Variants in CDC42SE2 observed in about 807,000 individuals in gnomAD.
CDC42SE2 encodes CDC42 small effector 2, also known as CDC42 small effector protein 2.
Under a neutral mutation model 11.5 loss-of-function variants are expected in CDC42SE2, and 3 were observed. The observed-to-expected ratio is 0.26, with a 90% CI of 0.12 to 0.67. The LOEUF (loss-of-function observed/expected upper bound fraction) is 0.67. CDC42SE2 is among the 30% of genes least tolerant of loss of function. CDC42SE2 has a pLI of 0.80. For missense variants in CDC42SE2, 82 were observed against 106.8 expected, an observed-to-expected ratio of 0.77 and a Z score of 1.02; for synonymous variants, 33 against 34.8, an observed-to-expected ratio of 0.95 and a Z score of 0.18.
chr5:131,336,590 C>T (rs991027832), intron 2 of CDC42SE2, among the ~76,000 whole-genome samples: 29 of 152,224 alleles, frequency 1.9e-4, no homozygotes, highest in African/African-American at 4.6e-4. Flanking sequence ...CCATTCTCCC[C>T]GTCACTTTCA....
chr5:131,289,679 A>C (rs1757411560), intron 1 of CDC42SE2, among the ~76,000 whole-genome samples: 1 of 152,058 alleles, frequency 6.6e-6, no homozygotes, highest in Admixed American at 6.5e-5. Flanking sequence ...TCTCAAAAAA[A>C]AAAAAAAGAG....
intron 1 of CDC42SE2, among the ~76,000 whole-genome samples, chr5:131,286,368 G>A (rs1757339800): frequency 6.8e-6 from 1 of 146,140 alleles, no homozygotes; most frequent in Non-Finnish European, 1.5e-5. Flanking sequence ...ATAGGCATGA[G>A]CAAATGCACC....
chr5:131,270,446 C>T (rs1756970271), intron 1 of CDC42SE2, among the ~76,000 whole-genome samples: 1 of 152,190 alleles, frequency 6.6e-6, no homozygotes, highest in South Asian at 2.1e-4. Context: ...ATAAAACTTT[C>T]ACTTTTTGTT....
At chr5:131,290,668 C>T (rs116191830) in intron 1 of CDC42SE2, among the ~76,000 whole-genome samples, 3,198 of 151,426 alleles carry the variant, frequency 0.021, 118 homozygotes, top group African/African-American at 0.073. Flanking sequence ...TTAGTAGAGA[C>T]GGGATTTGGC....
At chr5:131,262,015 A>G (rs1244409370), upstream of CDC42SE2, among the ~76,000 whole-genome samples, 2 of 152,106 alleles carry the variant, frequency 1.3e-5, no homozygotes, top group Non-Finnish European at 2.9e-5. Flanking sequence ...ACAAAATATG[A>G]AAAATCTGAA....
At chr5:131,232,755 AC>A in the CDC42SE2 span, among the ~76,000 whole-genome samples, 4,076 of 89,076 alleles carry the variant, frequency 0.046, 452 homozygotes, top group African/African-American at 0.23. Flanking sequence ...AAAAAAAAAA[AC>A]AAAACAGAAA....
chr5:131,274,496 A>G (rs1428255163), intron 1 of CDC42SE2, among the ~76,000 whole-genome samples: 1 of 152,150 alleles, frequency 6.6e-6, no homozygotes, highest in Non-Finnish European at 1.5e-5. Context: ...TCTTGCATGT[A>G]TTATTTTAGT....
intron 2 of CDC42SE2, among the ~76,000 whole-genome samples, chr5:131,320,556 ACATGGTGAAACCC>A (rs1461651464): frequency 2.0e-5 from 3 of 152,160 alleles, no homozygotes; most frequent in African/African-American, 7.2e-5. Context: ...AGCCTGGTCA[ACATGGTGAAACCC>A]CATATCTGCT....
intron 1 of CDC42SE2, among the ~76,000 whole-genome samples, chr5:131,312,365 T>C (rs1461156137): frequency 6.6e-6 from 1 of 152,110 alleles, no homozygotes; most frequent in African/African-American, 2.4e-5. Context: ...GACAGGGACA[T>C]TTAAGTCTGC....
At position 131,391,140 on chromosome 5, in the gene CDC42SE2, C is replaced by A. The variant is rs756845386; in HGVS notation, c.*49C>A. ...ACTCAGAGCTGGGGTCTGGACCTGA[C>A]GGCCAGACATGGCCAGGCCAATAAT... On this transcript the variant is annotated 3_prime_UTR_variant, in exon 5 of 5. Transcript: ENST00000505065. 1 of 1,320,302 alleles carries A rather than the reference C, an allele frequency of 7.6e-7. No homozygotes were observed. The highest frequency in any genetic ancestry group is 1.1e-6 in the Non-Finnish European group (1 of 924,356). 81.8% of individuals were successfully genotyped at this position (1,320,302 alleles called of 1,614,324 possible).
chr5:131,230,442 C>T, the CDC42SE2 span, among the ~76,000 whole-genome samples: 1 of 152,146 alleles, frequency 6.6e-6, no homozygotes, highest in African/African-American at 2.4e-5. Flanking sequence ...ATTGAAAAGG[C>T]GAAGGGGCAA....
intron 1 of CDC42SE2, among the ~76,000 whole-genome samples, chr5:131,281,567 TCA>T (rs905670813): frequency 6.6e-6 from 1 of 152,222 alleles, no homozygotes; most frequent in African/African-American, 2.4e-5. Flanking sequence ...AAGTTTCATC[TCA>T]CAGTGAATTT....
At chr5:131,284,520 G>A in intron 1 of CDC42SE2, among the ~76,000 whole-genome samples, 1 of 152,182 alleles carries the variant, frequency 6.6e-6, no homozygotes, top group Non-Finnish European at 1.5e-5. Context: ...TGCCCAGGAT[G>A]GAGTGCAGTA....
intron 1 of CDC42SE2, among the ~76,000 whole-genome samples, chr5:131,285,473 T>G (rs1020753762): frequency 2.0e-5 from 3 of 152,210 alleles, no homozygotes; most frequent in Admixed American, 1.3e-4. Flanking sequence ...ACTTTTAATT[T>G]TTCACATGGA....
chr5:131,236,559 CT>C, the CDC42SE2 span, among the ~76,000 whole-genome samples: 2 of 152,094 alleles, frequency 1.3e-5, no homozygotes, highest in Non-Finnish European at 2.9e-5. Context: ...TCCCGAGTAG[CT>C]GGGACTACAG....
chr5:131,257,245 A>G (rs1756685519), intron 2 of CDC42SE2, among the ~76,000 whole-genome samples: 1 of 151,998 alleles, frequency 6.6e-6, no homozygotes, highest in Non-Finnish European at 1.5e-5. Flanking sequence ...CTCACCATGA[A>G]CTTTCTTTTT....
chr5:131,226,496 C>A, the CDC42SE2 span, among the ~76,000 whole-genome samples: 19 of 152,314 alleles, frequency 1.2e-4, no homozygotes, highest in African/African-American at 4.6e-4. Flanking sequence ...CCCTCCTCAC[C>A]TTCCCTAAAG....
Position 131,253,770 on chromosome 5 carries a change from TA to T in CDC42SE2, n.108-1316del, listed in dbSNP as rs775690062. ...ACAAGAGTGAAACTCTGTCTAAAAA[TA>T]AAAAAAAATTAAAAAAAGAACTTCT... On this transcript the variant is annotated intron_variant and non_coding_transcript_variant, in intron 1 of 3. Transcript: ENST00000502840. 4.0e-5 allele frequency among the ~76,000 whole-genome samples: 6 copies of T among 151,414 alleles called. No individual in the cohort carries two copies. In the South Asian group the frequency reaches 6.3e-4, roughly 16 times the overall value.
chr5:131,236,802 T>TTTTATA, the CDC42SE2 span, among the ~76,000 whole-genome samples: 1 of 152,242 alleles, frequency 6.6e-6, no homozygotes, highest in Non-Finnish European at 1.5e-5. Context: ...TCCACAAGAC[T>TTTTATA]TAAGTCTGAC....
Sources: allele counts gnomAD v4.1 joint callset (sites outside exome capture counted in the v4.1 genomes callset), GRCh38; gene constraint gnomAD v4.1.1; transcripts MANE v1.5; gene names NCBI Gene and HGNC (gene_info 2026-07-23, HGNC 2026-07-21).